TNRC6B: variants seen among roughly 807,000 people sequenced by gnomAD.
TNRC6B encodes trinucleotide repeat containing adaptor 6B, also known as trinucleotide repeat-containing gene 6B protein.
Under a neutral mutation model 203.6 loss-of-function variants are expected in TNRC6B, and 52 were observed. That is an observed-to-expected ratio of 0.26 (90% CI 0.20 to 0.32). The LOEUF (loss-of-function observed/expected upper bound fraction) is 0.32. Ranked by LOEUF, TNRC6B falls within the 10% of genes least tolerant of loss-of-function variation. The probability of loss-of-function intolerance (pLI) is 1.00; values close to 1 mark genes in which losing one functional copy is unlikely to be tolerated. For missense variants in TNRC6B, 1,923 were observed against 2,286.2 expected, an observed-to-expected ratio of 0.84 and a Z score of 3.24; for synonymous variants, 838 against 845.7, an observed-to-expected ratio of 0.99 and a Z score of 0.16.
At chr22:40,276,986 ACT>A (rs1241084755) in intron 7 of TNRC6B, 89 bp from the exon 8 acceptor site, 1 of 932,500 alleles carries the variant, frequency 1.1e-6, no homozygotes, top group East Asian at 2.8e-5. Context: ...AAAAAGGTAA[ACT>A]CAAGTCTACA....
rs1233228347 is a variant in TNRC6B at position 40,324,917 on chromosome 22, A to G, written c.*1676A>G. The G allele has an allele frequency of 6.6e-6, 1 of 152,284 alleles. No individual in the cohort carries two copies. The highest frequency in any genetic ancestry group is 2.4e-5 in the African/African-American group (1 of 41,304). The allele number at this position is 152,284 out of a possible 1,614,324, so 9.4% of individuals were successfully genotyped here. On this transcript the variant is annotated 3_prime_UTR_variant, in exon 23 of 23. Transcript: ENST00000454349. Reference sequence around the variant, plus strand: ...AGTACTCTGGGCCGAACAGGGGTCAACGTTTAATCTACAGTTATCACCAAC... The same window carrying G: ...AGTACTCTGGGCCGAACAGGGGTCAGCGTTTAATCTACAGTTATCACCAAC...
chr22:40,269,094 T>TCTG (rs1331842634), intron 5 of TNRC6B, among the ~76,000 whole-genome samples: 1 of 150,390 alleles, frequency 6.6e-6, no homozygotes, highest in African/African-American at 2.4e-5. Flanking sequence ...TAGCACATAG[T>TCTG]CTGCTGCTTA....
rs2070539775 is a variant in TNRC6B at position 40,270,181 on chromosome 22, A to T, written c.2866A>T (p.Asn956Tyr). The T allele has an allele frequency of 6.3e-7, 1 of 1,578,654 alleles. No individual in the cohort carries two copies. Among genetic ancestry groups the T allele is most frequent in the South Asian group, 1.2e-5 (1 of 85,936 alleles). The part of the protein sequence containing the change: ...DNGTSAWGEP[N>Y]ESSPGWGEMD... ...TGGTACTTCCGCTTGGGGTGAGCCA[A>T]ATGAAAGCAGTCCTGGGTGGGGCGA... is the stretch of plus-strand genomic sequence containing the variant. The change falls in exon 6 of 23, where the codon AAT (asparagine) becomes TAT (tyrosine). Residue 956 changes from asparagine (N) to tyrosine (Y), a missense_variant. By Grantham distance (143) the Asn-to-Tyr change is moderately radical. Around this residue, in one of 8 missense-constraint regions of TNRC6B, gnomAD observed 599 missense variants for 656.5 expected, o/e 0.91. Transcript: ENST00000454349.
chr22:40,296,326 ATTTT>A (rs951987835), intron 12 of TNRC6B, among the ~76,000 whole-genome samples: 3 of 125,464 alleles, frequency 2.4e-5, no homozygotes, highest in African/African-American at 3.1e-5. Context: ...AGAATGGTGA[ATTTT>A]TTTTTTTTTT....
At chr22:40,075,644 G>A (rs1350202954) in intron 1 of TNRC6B, among the ~76,000 whole-genome samples, 2 of 151,918 alleles carry the variant, frequency 1.3e-5, no homozygotes, top group Admixed American at 1.3e-4. Flanking sequence ...TTGGGTTTAA[G>A]TTTATCATTT....
At chr22:40,074,313 T>C (rs2067985492) in intron 1 of TNRC6B, among the ~76,000 whole-genome samples, 1 of 151,104 alleles carries the variant, frequency 6.6e-6, no homozygotes, top group Non-Finnish European at 1.5e-5. Context: ...GGTATACATA[T>C]GGAAAAACTA....
chr22:40,335,512 A>G lies in TNRC6B; in HGVS notation c.*12271A>G, dbSNP rs918814984. On this transcript the variant is annotated 3_prime_UTR_variant, in exon 23 of 23. Transcript: ENST00000454349. ...AAAAAAAGTATCAAAAACAAAAAAA[A>G]CTAAAGGGTGGTGTTTTATTGGATT... The G allele has an allele frequency of 6.6e-6, 1 of 151,612 alleles. No homozygotes were observed. Among genetic ancestry groups the G allele is most frequent in the Non-Finnish European group, 1.5e-5 (1 of 67,820 alleles). The allele number at this position is 151,612 out of a possible 1,614,324, so 9.4% of individuals were successfully genotyped here. A position where few individuals can be genotyped will look rare whatever the true frequency, so the allele number is the denominator to read the frequency against.
intron 15 of TNRC6B, among the ~76,000 whole-genome samples, chr22:40,307,153 G>A (rs888155814): frequency 1.3e-5 from 2 of 150,684 alleles, no homozygotes; most frequent in African/African-American, 4.9e-5. Context: ...GGGTCAGGAA[G>A]GTGTTAGACT....
intron 1 of TNRC6B, among the ~76,000 whole-genome samples, chr22:40,096,796 C>T (rs73165038): frequency 0.042 from 6,377 of 152,278 alleles, 198 homozygotes; most frequent in Non-Finnish European, 0.064. Flanking sequence ...GATCCACCTA[C>T]ACATTGGCAT....
At chr22:40,288,642 A>C (rs1428325681) in intron 12 of TNRC6B, among the ~76,000 whole-genome samples, 2 of 151,702 alleles carry the variant, frequency 1.3e-5, no homozygotes, top group African/African-American at 4.8e-5. Context: ...TCCCAAGTTC[A>C]AGTGATTCTC....
chr22:40,155,228 G>A (rs946711200), intron 3 of TNRC6B, among the ~76,000 whole-genome samples: 1 of 151,974 alleles, frequency 6.6e-6, no homozygotes, highest in African/African-American at 2.4e-5. Flanking sequence ...ATAAGTAAGT[G>A]CAGTTACTAA....
chr22:40,090,302 A>G (rs12160845), intron 1 of TNRC6B, among the ~76,000 whole-genome samples: 20 of 152,290 alleles, frequency 1.3e-4, no homozygotes, highest in African/African-American at 4.8e-4. Context: ...CCCACCAGCA[A>G]TGAAGGAGCA....
At chr22:40,133,384 G>C (rs1211338467) in intron 3 of TNRC6B, among the ~76,000 whole-genome samples, 1 of 152,136 alleles carries the variant, frequency 6.6e-6, no homozygotes, top group Non-Finnish European at 1.5e-5. Context: ...ACTAGTTGCT[G>C]ATGTCGTAGG....
At position 40,100,022 on chromosome 22, in the gene TNRC6B, A is replaced by G. The variant is rs148334529; in HGVS notation, c.-120-17033A>G. 6.2e-3 allele frequency among the ~76,000 whole-genome samples: 941 copies of G among 152,014 alleles called. 6 individuals are homozygous for G. The highest frequency in any genetic ancestry group is 0.021 in the African/African-American group (886 of 41,446). ...CACCTCGGCCTCCCAAAGTGCTGGG[A>G]TTACAGACGTGGGCCACTGCGCCTG... On this transcript the variant is annotated intron_variant, in intron 1 of 23. Coordinates refer to the TNRC6B transcript ENST00000301923.
In TNRC6B at chr22:40,156,113, A is replaced by T; in HGVS notation, c.46-2A>T. ...GCTGACCTGTGGTGCTTGCCTTTGCAGGTGGAACAGGAGGATTTTGTAATG... is the reference window on the plus strand; with the variant it reads ...GCTGACCTGTGGTGCTTGCCTTTGCTGGTGGAACAGGAGGATTTTGTAATG... On this transcript the variant is annotated splice_acceptor_variant, in intron 3 of 23. Transcript: ENST00000301923. LOFTEE classifies it high-confidence loss of function. 6.3e-7 allele frequency: 1 copy of T among 1,575,580 alleles called. No individual in the cohort carries two copies. The highest frequency in any genetic ancestry group is 8.6e-7 in the Non-Finnish European group (1 of 1,160,040).
At chr22:40,173,570 G>A (rs146243944), upstream of TNRC6B, among the ~76,000 whole-genome samples, 173 of 150,386 alleles carry the variant, frequency 1.2e-3, no homozygotes, top group African/African-American at 4.1e-3. Flanking sequence ...ACCCCACCAA[G>A]CCTGGCTGAC....
At chr22:40,154,333 A>AGG (rs1276178972) in intron 3 of TNRC6B, among the ~76,000 whole-genome samples, 1 of 150,740 alleles carries the variant, frequency 6.6e-6, no homozygotes, top group Non-Finnish European at 1.5e-5. Flanking sequence ...GCGTGGTGGC[A>AGG]GGCGCCTGTA....
intron 1 of TNRC6B, among the ~76,000 whole-genome samples, chr22:40,091,650 A>T (rs1451597886): frequency 2.0e-5 from 3 of 152,190 alleles, no homozygotes; most frequent in African/African-American, 7.2e-5. Context: ...TTACCAGTGT[A>T]TTTATCAATG....
intron 1 of TNRC6B, among the ~76,000 whole-genome samples, chr22:40,098,169 T>C (rs939417844): frequency 2.0e-5 from 3 of 151,952 alleles, no homozygotes; most frequent in Non-Finnish European, 4.4e-5. Flanking sequence ...GCTGATCACC[T>C]GAGGTCAGGA....
Sources: allele counts gnomAD v4.1 joint callset (sites outside exome capture counted in the v4.1 genomes callset), GRCh38; gene constraint gnomAD v4.1.1; regional missense constraint gnomAD v4.1.1; transcripts MANE v1.5; gene names NCBI Gene and HGNC (gene_info 2026-07-23, HGNC 2026-07-21).